The following ZNF37A variants were observed in gnomAD, a reference collection of about 807,000 sequenced individuals.
The protein encoded by ZNF37A is zinc finger protein 37a (KOX 21).
In ZNF37A, 10 loss-of-function variants were observed where a neutral mutation model predicts 12.3. The ratio of observed to expected loss-of-function variants is 0.82; its 90% CI spans 0.50 to 1.38. The LOEUF (loss-of-function observed/expected upper bound fraction) is 1.38, where lower values mean the gene tolerates loss of function less well. ZNF37A is among the 40% of genes most tolerant of loss of function. The pLI is 0.00. For synonymous variants in ZNF37A, 207 were observed against 223.0 expected (o/e 0.93, Z 0.64); for missense variants, 580 against 651.2 (o/e 0.89, Z 1.19).
intron 7 of ZNF37A, among the ~76,000 whole-genome samples, chr10:38,131,928 T>C (rs576476033): frequency 1.1e-4 from 16 of 152,292 alleles, no homozygotes; most frequent in Non-Finnish European, 2.1e-4. Context: ...ATTTTCTTTT[T>C]GGATTTTTCG....
chr10:38,108,772 A>T (rs990180014), intron 5 of ZNF37A, among the ~76,000 whole-genome samples: 3 of 152,240 alleles, frequency 2.0e-5, no homozygotes, highest in Non-Finnish European at 4.4e-5. Flanking sequence ...CACCCTCTCA[A>T]GTCTAAAGCA....
chr10:38,131,543 A>C (rs2070027592), intron 7 of ZNF37A, among the ~76,000 whole-genome samples: 1 of 152,200 alleles, frequency 6.6e-6, no homozygotes, highest in Admixed American at 6.5e-5. Context: ...TTGATTTATT[A>C]GTACCACAGT....
At chr10:38,138,890 G>A (rs2070144972) in intron 7 of ZNF37A, 2 of 152,178 alleles carry the variant, frequency 1.3e-5, no homozygotes, top group African/African-American at 4.8e-5. Context: ...GAATCAGGGA[G>A]TCAGACTAAA....
At chr10:38,127,803 C>G (rs1221146261), downstream of ZNF37A, among the ~76,000 whole-genome samples, 1 of 152,186 alleles carries the variant, frequency 6.6e-6, no homozygotes, top group Non-Finnish European at 1.5e-5. Context: ...AGAAGTATAA[C>G]AAACTCAATA....
chr10:38,098,209 A>G (rs2067300693), intron 5 of ZNF37A, among the ~76,000 whole-genome samples: 1 of 152,236 alleles, frequency 6.6e-6, no homozygotes, highest in Non-Finnish European at 1.5e-5. Context: ...TTGTTTATCC[A>G]TTCATCTGTT....
chr10:38,129,109 T>C (rs1345110237), downstream of ZNF37A, among the ~76,000 whole-genome samples: 3 of 151,870 alleles, frequency 2.0e-5, no homozygotes, highest in Non-Finnish European at 2.9e-5. Flanking sequence ...CATAACAGTG[T>C]AGAAACTCAA....
chr10:38,132,799 G>A (rs2070048783), intron 7 of ZNF37A, among the ~76,000 whole-genome samples: 1 of 139,334 alleles, frequency 7.2e-6, no homozygotes, highest in Admixed American at 7.6e-5. Context: ...TTGGTTTACT[G>A]TATTGTTCAA....
rs1177566597 is a variant in ZNF37A at position 38,122,570 on chromosome 10, A to T, written c.*3733A>T. 1 of 152,236 alleles carries T rather than the reference A, an allele frequency of 6.6e-6. No individual in the cohort carries two copies. Among genetic ancestry groups the T allele is most frequent in the East Asian group, 1.9e-4 (1 of 5,196 alleles). The allele number at this position is 152,236 out of a possible 1,614,324, so 9.4% of individuals were successfully genotyped here. A position where few individuals can be genotyped will look rare whatever the true frequency, so the allele number is the denominator to read the frequency against. ...CTTTTGACAAAGGAATGAAGAACAT[A>T]CACTGGGGAAAAGATAATGTCTTTA... On this transcript the variant is annotated 3_prime_UTR_variant, in exon 8 of 8. Coordinates refer to ENST00000685332, the MANE Select transcript of ZNF37A (RefSeq NM_001324250.3).
At chr10:38,112,799 TCTTG>T in intron 5 of ZNF37A, among the ~76,000 whole-genome samples, 1 of 39,720 alleles carries the variant, frequency 2.5e-5, no homozygotes, top group Non-Finnish European at 5.8e-5. Context: ...TCTTTTCTTG[TCTTG>T]TCTTGTCTTC....
At chr10:38,112,565 CT>C (rs372900277) in intron 5 of ZNF37A, among the ~76,000 whole-genome samples, 7,530 of 144,500 alleles carry the variant, frequency 0.052, 267 homozygotes, top group Non-Finnish European at 0.069. Flanking sequence ...CTCTCCTTAG[CT>C]TTTTTTTTTT....
chr10:38,134,733 CAG>C (rs985211532), intron 7 of ZNF37A, among the ~76,000 whole-genome samples: 1 of 152,208 alleles, frequency 6.6e-6, no homozygotes, highest in African/African-American at 2.4e-5. Flanking sequence ...TTAGGCCACT[CAG>C]GGGTCAGGGA....
At chr10:38,133,807 T>C (rs1045782301) in intron 7 of ZNF37A, among the ~76,000 whole-genome samples, 1 of 152,208 alleles carries the variant, frequency 6.6e-6, no homozygotes, top group Non-Finnish European at 1.5e-5. Flanking sequence ...CAGCATGATT[T>C]ATAGTCCTTT....
At chr10:38,129,407 G>A (rs576157340), downstream of ZNF37A, among the ~76,000 whole-genome samples, 1 of 151,772 alleles carries the variant, frequency 6.6e-6, no homozygotes, top group South Asian at 2.1e-4. Flanking sequence ...GTGTTGCAGG[G>A]CTTGGTGTAC....
intron 5 of ZNF37A, among the ~76,000 whole-genome samples, chr10:38,109,197 G>A (rs1288308161): frequency 6.6e-6 from 1 of 152,050 alleles, no homozygotes; most frequent in Non-Finnish European, 1.5e-5. Flanking sequence ...ATTAATAAAT[G>A]TACTCCTTTC....
chr10:38,095,136 A>G lies in ZNF37A; in HGVS notation c.-286A>G. The stretch of plus-strand genomic sequence containing the variant: ...GGGTCCAGCTCATGGCTCAAGTGAC[A>G]GGAAGATGTAGGAGCTTTCTGTCTT... On this transcript the variant is annotated 5_prime_UTR_variant, in exon 2 of 8. Transcript: ENST00000685332. 6.6e-6 allele frequency: 1 copy of G among 152,666 alleles called. No homozygotes were observed. The highest frequency in any genetic ancestry group is 1.5e-5 in the Non-Finnish European group (1 of 68,294). 9.5% of individuals were successfully genotyped at this position (152,666 alleles called of 1,614,324 possible). A position where few individuals can be genotyped will look rare whatever the true frequency, so the allele number is the denominator to read the frequency against.
intron 7 of ZNF37A, chr10:38,143,937 T>C (rs1336097499): frequency 6.6e-6 from 1 of 152,206 alleles, no homozygotes; most frequent in East Asian, 1.9e-4. Context: ...ATGGGAGTTT[T>C]AGTGCCCTGG....
chr10:38,136,297 C>T (rs11011460), intron 7 of ZNF37A, among the ~76,000 whole-genome samples: 1,924 of 152,250 alleles, frequency 0.013, 25 homozygotes, highest in Middle Eastern at 0.041. Context: ...GCACCTGCCA[C>T]CACGCCTGGC....
At chr10:38,135,216 C>CT (rs1309328661) in intron 7 of ZNF37A, among the ~76,000 whole-genome samples, 1 of 152,096 alleles carries the variant, frequency 6.6e-6, no homozygotes, top group African/African-American at 2.4e-5. Context: ...GAAACCCCGT[C>CT]TCTACTAAAA....
chr10:38,143,620 T>A (rs1281311625), intron 7 of ZNF37A: 2 of 152,186 alleles, frequency 1.3e-5, no homozygotes, highest in African/African-American at 2.4e-5. Flanking sequence ...AATCTCACTG[T>A]GGTGTGAATG....
Sources: allele counts gnomAD v4.1 joint callset (sites outside exome capture counted in the v4.1 genomes callset), GRCh38; gene constraint gnomAD v4.1.1; transcripts MANE v1.5; gene names NCBI Gene and HGNC (gene_info 2026-07-23, HGNC 2026-07-21).